HMMR: variants seen among roughly 807,000 people sequenced by gnomAD.
HMMR encodes the protein intracellular hyaluronic acid-binding protein.
HMMR carries 108 observed loss-of-function variants against 101.0 expected under a neutral mutation model. That is an observed-to-expected ratio of 1.07 (90% CI 0.92 to 1.25). The LOEUF (loss-of-function observed/expected upper bound fraction) is 1.25, where lower values mean the gene tolerates loss of function less well. Ranked by LOEUF, HMMR falls within the 50% of genes most tolerant of loss-of-function variation. The pLI, the probability that HMMR is intolerant of heterozygous loss-of-function variation, is 0.00. For synonymous variants in HMMR, 296 were observed against 276.4 expected (o/e 1.07, Z -0.70); for missense variants, 813 against 788.7 (o/e 1.03, Z -0.37).
At chr5:163,464,667 G>A in intron 2 of HMMR, 56 bp from the exon 3 acceptor site, 1 of 1,161,016 alleles carries the variant, frequency 8.6e-7, no homozygotes, top group Non-Finnish European at 1.3e-6. Context: ...TGTGTTTTGT[G>A]TGTAGTTAAA....
chr5:163,466,023 G>A (rs1278151940), intron 3 of HMMR, among the ~76,000 whole-genome samples: 2 of 150,942 alleles, frequency 1.3e-5, no homozygotes, highest in Non-Finnish European at 2.9e-5. Context: ...CAGCACTTTG[G>A]GAGGCTGAAG....
rs767164934 is a variant in HMMR, at chr5:163,483,190, C to A, written c.1685+18C>A. 4 of 1,605,762 alleles carry A rather than the reference C, an allele frequency of 2.5e-6. No homozygotes were observed. Among genetic ancestry groups the A allele is most frequent in the Non-Finnish European group, 3.4e-6 (4 of 1,175,438 alleles). On this transcript the variant is annotated intron_variant, in intron 14 of 17. Transcript: ENST00000393915. ...GAAGGAAGGTAATCTATGATTAGAA[C>A]CTGAGTGCCTTGTTAACTCAGTTAC... is the stretch of plus-strand genomic sequence containing the variant.
In HMMR at chr5:163,473,576, G is replaced by A; in HGVS notation, c.904+19G>A. 1 of 1,482,344 alleles carries A rather than the reference G, an allele frequency of 6.7e-7. No homozygotes were observed. The highest frequency in any genetic ancestry group is 9.2e-7 in the Non-Finnish European group (1 of 1,092,328). 91.8% of individuals were successfully genotyped at this position (1,482,344 alleles called of 1,614,324 possible). ...GAAAAAGGTATTACAGTGTTTTATAGTTACTTTGTTTAGATAAGTGTTACA... is the reference window on the plus strand; with the variant it reads ...GAAAAAGGTATTACAGTGTTTTATAATTACTTTGTTTAGATAAGTGTTACA... On this transcript the variant is annotated intron_variant, in intron 9 of 17. Transcript: ENST00000393915.
intron 12 of HMMR, among the ~76,000 whole-genome samples, chr5:163,480,292 C>T (rs1309325809): frequency 6.6e-6 from 1 of 152,122 alleles, no homozygotes; most frequent in Non-Finnish European, 1.5e-5. Context: ...TTTTCCTTCT[C>T]CTTGAACTTT....
intron 16 of HMMR, among the ~76,000 whole-genome samples, chr5:163,489,953 T>C (rs1759626631): frequency 1.3e-5 from 2 of 152,242 alleles, no homozygotes; most frequent in South Asian, 4.1e-4. Flanking sequence ...CTGCAGACTC[T>C]CTTTTTCACC....
chr5:163,480,888 T>A (rs1339464435), intron 12 of HMMR, among the ~76,000 whole-genome samples: 4 of 152,196 alleles, frequency 2.6e-5, no homozygotes, highest in Non-Finnish European at 5.9e-5. Context: ...CTTATTTTTT[T>A]ATTTTCTTTT....
At chr5:163,469,895 C>A (rs1031585918) in intron 5 of HMMR, 66 bp downstream of exon 5, 1 of 1,099,144 alleles carries the variant, frequency 9.1e-7, no homozygotes, top group Non-Finnish European at 1.3e-6. Flanking sequence ...GGGCCGGGCA[C>A]GGTGGCTCAC....
chr5:163,465,194 A>G (rs892967739), intron 3 of HMMR: 24 of 188,424 alleles, frequency 1.3e-4, no homozygotes, highest in Admixed American at 1.2e-3. Context: ...CCAATATCTA[A>G]GAGAGGTTTG....
chr5:163,471,566 C>T, intron 7 of HMMR, 103 bp downstream of exon 7: 2 of 704,118 alleles, frequency 2.8e-6, no homozygotes, highest in Non-Finnish European at 4.8e-6. Context: ...TCTGTTAGTA[C>T]TTATCTCATT....
At chr5:163,473,143 A>G (rs1758948578) in intron 7 of HMMR, 36 bp from the exon 8 acceptor site, 2 of 1,080,566 alleles carry the variant, frequency 1.9e-6, no homozygotes, top group African/African-American at 1.6e-5. Flanking sequence ...AAATAACGAA[A>G]CTAGAATGTA....
At chr5:163,474,662 A>G (rs1759011649) in intron 10 of HMMR, 1 of 440,778 alleles carries the variant, frequency 2.3e-6, no homozygotes, top group Non-Finnish European at 4.5e-6. Flanking sequence ...CTGTAAATAT[A>G]GAAAGATACT....
In HMMR at chr5:163,460,682, T is replaced by G. The variant is rs371376775; in HGVS notation, c.-11T>G. 17 of 1,603,206 alleles carry G rather than the reference T, an allele frequency of 1.1e-5. No homozygotes were observed. The highest frequency in any genetic ancestry group is 1.4e-5 in the Non-Finnish European group (16 of 1,174,504). Reference sequence around the variant, plus strand: ...GCCAGTCACCTTCAGTTTCTGGAGCTGGCCGTCAACATGTCCTTTCCTAAG... The same window carrying G: ...GCCAGTCACCTTCAGTTTCTGGAGCGGGCCGTCAACATGTCCTTTCCTAAG... On this transcript the variant is annotated 5_prime_UTR_variant, in exon 1 of 18. Coordinates refer to ENST00000393915, the MANE Select transcript of HMMR (RefSeq NM_001142556.2).
chr5:163,490,531 C>T lies in HMMR; in HGVS notation c.2104C>T (p.Leu702=). 6.3e-7 allele frequency: 1 copy of T among 1,599,246 alleles called. No homozygotes were observed. The highest frequency in any genetic ancestry group is 1.1e-5 in the South Asian group (1 of 87,532). The change falls in exon 17 of 18, where the codon CTG becomes TTG. Residue 702 remains leucine (L), a synonymous_variant. Transcript: ENST00000393915. ...TCATGAAAGTAAAGAAAATTTTGCC[C>T]TGAAGACCCCATTAAAAGAAGGTAA... The part of the protein sequence containing the change: ...FHHESKENFA[L]KTPLKEGNTN...
Position 163,464,821 on chromosome 5 carries a change from C to G in HMMR, c.225+19C>G, listed in dbSNP as rs755899051. 2 of 1,505,606 alleles carry G rather than the reference C, an allele frequency of 1.3e-6. No homozygotes were observed. Among genetic ancestry groups the G allele is most frequent in the Non-Finnish European group, 1.8e-6 (2 of 1,082,566 alleles). The allele number at this position is 1,505,606 out of a possible 1,614,324, so 93.3% of individuals were successfully genotyped here. ...ATCAAAGGTGAGGAGCTTTTATATGCCAGCTGGTTTATCAAGTGTATCATC... is the reference window on the plus strand; with the variant it reads ...ATCAAAGGTGAGGAGCTTTTATATGGCAGCTGGTTTATCAAGTGTATCATC... On this transcript the variant is annotated intron_variant, in intron 3 of 17. Coordinates refer to ENST00000393915, the MANE Select transcript of HMMR (RefSeq NM_001142556.2).
chr5:163,490,101 T>C (rs1357355019), intron 16 of HMMR, among the ~76,000 whole-genome samples: 4 of 152,258 alleles, frequency 2.6e-5, no homozygotes, highest in Non-Finnish European at 5.9e-5. Context: ...ACTTTCATGC[T>C]GTCATGCCAG....
chr5:163,483,961 C>T (rs112639812), intron 15 of HMMR, 108 bp from the exon 16 acceptor site: 1 of 616,834 alleles, frequency 1.6e-6, no homozygotes, highest in Admixed American at 3.5e-5. Flanking sequence ...TGTGAACATA[C>T]CTTGTTTTCA....
rs1758820546 is a variant in HMMR at position 163,469,804 on chromosome 5, G to A, written c.437G>A (p.Arg146Lys). 6.2e-7 allele frequency: 1 copy of A among 1,604,318 alleles called. No homozygotes were observed. The highest frequency in any genetic ancestry group is 8.5e-7 in the Non-Finnish European group (1 of 1,173,498). The change falls in exon 5 of 18, where the codon AGG (arginine) becomes AAG (lysine). Residue 146 changes from arginine to lysine, a missense_variant. By Grantham distance (26) the Arg-to-Lys change is conservative. Transcript: ENST00000393915. Reference protein sequence around the residue: ...TLEKQLIELTRTNELLKSKFS... With the variant: ...TLEKQLIELTKTNELLKSKFS... ...GAAAAACAACTTATTGAATTGACCAGGACTAATGAACTACTAAAATCTAAG... is the reference window on the plus strand; with the variant it reads ...GAAAAACAACTTATTGAATTGACCAAGACTAATGAACTACTAAAATCTAAG...
chr5:163,490,528 G>T lies in HMMR; in HGVS notation c.2101G>T (p.Ala701Ser). The T allele has an allele frequency of 6.2e-7, 1 of 1,602,002 alleles. No individual in the cohort carries two copies. The highest frequency in any genetic ancestry group is 8.5e-7 in the Non-Finnish European group (1 of 1,176,456). The stretch of plus-strand genomic sequence containing the variant: ...TCATCATGAAAGTAAAGAAAATTTT[G>T]CCCTGAAGACCCCATTAAAAGAAGG... ...AFHHESKENFALKTPLKEGNT... is the reference protein window; with the variant it reads ...AFHHESKENFSLKTPLKEGNT... Residue 701 changes from alanine to serine, a missense_variant, in exon 17 of 18, where the codon GCC becomes TCC. Physicochemically the swap from Ala to Ser is moderately conservative, Grantham distance 99. Coordinates refer to ENST00000393915, the MANE Select transcript of HMMR (RefSeq NM_001142556.2).
rs757043826 is a variant in HMMR, at chr5:163,483,076, TCA to T, written c.1592_1593del (p.Thr531SerfsTer9). The T allele has an allele frequency of 6.8e-6, 11 of 1,611,518 alleles. No homozygotes were observed. The highest frequency in any genetic ancestry group is 1.1e-5 in the South Asian group (1 of 90,900). On this transcript the variant is annotated frameshift_variant, in exon 14 of 18. Coordinates refer to ENST00000393915, the MANE Select transcript of HMMR (RefSeq NM_001142556.2). LOFTEE classifies it high-confidence loss of function. Reference sequence around the variant, plus strand: ...CTAAAGGAAACAGAAATTAAAGAAATCACAGTTTCTTTTCTTCAAAAAATAAC... The same window carrying T: ...CTAAAGGAAACAGAAATTAAAGAAATCAGTTTCTTTTCTTCAAAAAATAAC...
Sources: gnomAD v4.1 joint callset for allele counts (sites outside exome capture counted in the v4.1 genomes callset) on GRCh38, gnomAD v4.1.1 for gene constraint, MANE v1.5 for transcripts, NCBI Gene and HGNC (gene_info 2026-07-23, HGNC 2026-07-21) for gene names.